The following SCOC variants were observed in gnomAD, a reference collection of about 807,000 sequenced individuals.
SCOC encodes short coiled coil protein.
In SCOC, 7 loss-of-function variants were observed where a neutral mutation model predicts 9.9. The observed-to-expected ratio is 0.71, with a 90% confidence interval of 0.40 to 1.33. The LOEUF is 1.33. Among genes scored for constraint, SCOC ranks in the 40% most tolerant of loss-of-function variants. The pLI is 0.01. For synonymous variants in SCOC, 19 were observed against 28.2 expected, an observed-to-expected ratio of 0.67 and a Z score of 1.03; for missense variants, 66 against 89.7, an observed-to-expected ratio of 0.74 and a Z score of 1.07.
At chr4:140,358,493 A>G (rs1263374597) in intron 2 of SCOC, among the ~76,000 whole-genome samples, 1 of 152,198 alleles carries the variant, frequency 6.6e-6, no homozygotes, top group Non-Finnish European at 1.5e-5. Flanking sequence ...TAACCTCTCT[A>G]AACTTCAGTT....
chr4:140,383,008 T>C lies in SCOC; in HGVS notation c.*1904T>C, dbSNP rs898368232. 1 of 152,214 alleles carries C rather than the reference T, an allele frequency of 6.6e-6. No homozygotes were observed. Among genetic ancestry groups the C allele is most frequent in the African/African-American group, 2.4e-5 (1 of 41,440 alleles). 9.4% of individuals were successfully genotyped at this position (152,214 alleles called of 1,614,324 possible). On this transcript the variant is annotated 3_prime_UTR_variant, in exon 4 of 4. Coordinates refer to ENST00000608372, the MANE Select transcript of SCOC (RefSeq NM_001153484.2). ...GCTTTCAAGTCACTCTAGTTATTCTTCTAATTTGCAGAAAAAGAACATGGA... is the reference window on the plus strand; with the variant it reads ...GCTTTCAAGTCACTCTAGTTATTCTCCTAATTTGCAGAAAAAGAACATGGA...
chr4:140,311,921 T>G (rs1476980953), intron 1 of SCOC, among the ~76,000 whole-genome samples: 1 of 152,208 alleles, frequency 6.6e-6, no homozygotes, highest in African/African-American at 2.4e-5. Context: ...AAAATTTTCC[T>G]TGAGGATGCA....
intron 1 of SCOC, among the ~76,000 whole-genome samples, chr4:140,289,550 G>T (rs879357785): frequency 9.2e-5 from 14 of 152,192 alleles, no homozygotes; most frequent in East Asian, 1.9e-4. Flanking sequence ...CTGAGGCTCT[G>T]TGGGCAGACA....
chr4:140,298,716 G>T (rs1731721157), intron 1 of SCOC, among the ~76,000 whole-genome samples: 1 of 152,156 alleles, frequency 6.6e-6, no homozygotes, highest in Admixed American at 6.5e-5. Context: ...TTTTCTTGAA[G>T]CCAAAAATGT....
upstream of SCOC, among the ~76,000 whole-genome samples, chr4:140,368,790 T>G (rs1025706119): frequency 6.6e-6 from 1 of 152,104 alleles, no homozygotes; most frequent in Non-Finnish European, 1.5e-5. Context: ...TGAAATAGGG[T>G]GAACATAGAG....
upstream of SCOC, among the ~76,000 whole-genome samples, chr4:140,342,073 TG>T (rs550291883): frequency 6.6e-6 from 1 of 152,186 alleles, no homozygotes; most frequent in Non-Finnish European, 1.5e-5. Flanking sequence ...TTAGAGGACT[TG>T]AACTAACACA....
At chr4:140,323,847 T>C (rs1442552277) in intron 1 of SCOC, among the ~76,000 whole-genome samples, 2 of 152,088 alleles carry the variant, frequency 1.3e-5, no homozygotes, top group Non-Finnish European at 2.9e-5. Flanking sequence ...TTCCAGAATA[T>C]AGAACATTTA....
At chr4:140,272,752 G>A (rs1730877956) in intron 1 of SCOC, among the ~76,000 whole-genome samples, 1 of 152,018 alleles carries the variant, frequency 6.6e-6, no homozygotes, top group Non-Finnish European at 1.5e-5. Context: ...TTTAATACGG[G>A]AAGTGGAAAG....
In SCOC at chr4:140,379,630, G is replaced by A; in HGVS notation, c.84G>A (p.Leu28=). 6.2e-7 allele frequency: 1 copy of A among 1,612,016 alleles called. No homozygotes were observed. Among genetic ancestry groups the A allele is most frequent in the Non-Finnish European group, 8.5e-7 (1 of 1,179,174 alleles). Residue 28 remains leucine, a synonymous_variant, in exon 3 of 4, where the codon TTG becomes TTA. Coordinates refer to ENST00000608372, the MANE Select transcript of SCOC (RefSeq NM_001153484.2). ...EEKTRLINQV[L]ELQHTLEDLS... is the part of the protein sequence containing the mutation. The stretch of plus-strand genomic sequence containing the variant: ...AAACAAGACTTATTAATCAAGTGTT[G>A]GAACTCCAACACACACTTGAAGGTT...
At chr4:140,317,787 C>T (rs34380458) in intron 1 of SCOC, among the ~76,000 whole-genome samples, 34,237 of 150,084 alleles carry the variant, frequency 0.23, 4,130 homozygotes, top group East Asian at 0.35. Flanking sequence ...CATGCTGGCG[C>T]GCTGCACCCA....
At chr4:140,327,996 C>T (rs950837658) in intron 1 of SCOC, among the ~76,000 whole-genome samples, 2 of 152,148 alleles carry the variant, frequency 1.3e-5, no homozygotes, top group Non-Finnish European at 2.9e-5. Flanking sequence ...AGTGGATATG[C>T]GTGAGCCAAG....
chr4:140,330,996 G>A (rs183394542), intron 1 of SCOC, among the ~76,000 whole-genome samples: 59 of 152,294 alleles, frequency 3.9e-4, no homozygotes, highest in African/African-American at 1.4e-3. Flanking sequence ...GCATGGTTTG[G>A]TGAGCAGAGC....
chr4:140,280,833 C>T (rs976383517), intron 1 of SCOC, among the ~76,000 whole-genome samples: 4 of 152,114 alleles, frequency 2.6e-5, no homozygotes, highest in African/African-American at 7.2e-5. Context: ...AAGTAATTTG[C>T]GACCTGAAAA....
intron 2 of SCOC, among the ~76,000 whole-genome samples, chr4:140,355,228 T>TATATATATATATATATC (rs1560716589): frequency 1.6e-5 from 2 of 128,768 alleles, no homozygotes; most frequent in African/African-American, 5.8e-5. Context: ...TATATATATA[T>TATATATATATATATATC]ATATATATAT....
At chr4:140,360,842 A>G (rs550359843) in intron 2 of SCOC, 1 of 152,226 alleles carries the variant, frequency 6.6e-6, no homozygotes, top group Non-Finnish European at 1.5e-5. Flanking sequence ...TTAATAAAAA[A>G]TGTTTTTATT....
intron 2 of SCOC, among the ~76,000 whole-genome samples, chr4:140,363,558 G>A (rs1316617020): frequency 6.6e-6 from 1 of 152,216 alleles, no homozygotes; most frequent in Non-Finnish European, 1.5e-5. Context: ...CATGCTTACA[G>A]AGCACACATG....
chr4:140,320,836 G>A (rs1490648349), intron 1 of SCOC, among the ~76,000 whole-genome samples: 2 of 152,144 alleles, frequency 1.3e-5, no homozygotes, highest in African/African-American at 4.8e-5. Flanking sequence ...TTCACTTTGG[G>A]GGCAGGGCAG....
intron 1 of SCOC, among the ~76,000 whole-genome samples, chr4:140,319,164 T>C (rs1732421672): frequency 6.6e-6 from 1 of 152,138 alleles, no homozygotes; most frequent in African/African-American, 2.4e-5. Context: ...CAACCTTGGC[T>C]CACTGCAACC....
chr4:140,362,283 T>TCTCCTTCTCCTTCTC (rs200328713), intron 2 of SCOC, among the ~76,000 whole-genome samples: 1 of 17,376 alleles, frequency 5.8e-5, no homozygotes, highest in Non-Finnish European at 1.1e-4. Flanking sequence ...CCTTACTTCT[T>TCTCCTTCTCCTTCTC]CTTCTTCTTC....
Sources: allele counts gnomAD v4.1 joint callset (sites outside exome capture counted in the v4.1 genomes callset), GRCh38; gene constraint gnomAD v4.1.1; transcripts MANE v1.5; gene names NCBI Gene and HGNC (gene_info 2026-07-23, HGNC 2026-07-21).